Variants in CEP85L observed in about 807,000 individuals in gnomAD.
CEP85L encodes centrosomal protein 85L.
In CEP85L, 60 loss-of-function variants were observed where a neutral mutation model predicts 100.3. The observed-to-expected ratio is 0.60, with a 90% CI of 0.49 to 0.74. The LOEUF is 0.74. Among genes scored for constraint, CEP85L ranks in the 30% least tolerant of loss-of-function variants. The probability of loss-of-function intolerance (pLI) is 0.00; values close to 1 mark genes in which losing one functional copy is unlikely to be tolerated. For synonymous variants in CEP85L, 319 were observed against 322.7 expected (o/e 0.99, Z 0.12); for missense variants, 973 against 936.2 (o/e 1.04, Z -0.51).
At chr6:118,520,796 G>A (rs1257521727) in intron 4 of CEP85L, among the ~76,000 whole-genome samples, 3 of 152,144 alleles carry the variant, frequency 2.0e-5, no homozygotes, top group Non-Finnish European at 4.4e-5. Flanking sequence ...CCTTCACCCA[G>A]TCAGTTAAGG....
rs756580532 is a variant in CEP85L at position 118,565,809 on chromosome 6, A to T, written c.740T>A (p.Leu247His). Residue 247 changes from leucine to histidine, a missense_variant, in exon 3 of 13, where the codon CTT becomes CAT. By Grantham distance (99) the Leu-to-His change is moderately conservative. Coordinates refer to ENST00000368491, the MANE Select transcript of CEP85L (RefSeq NM_001042475.3). Reference protein sequence around the residue: ...KEDFRASSSTLRRQPVDMTYS... With the variant: ...KEDFRASSSTHRRQPVDMTYS... ...TGTCATGTCTACAGGCTGTCTCCTA[A>T]GAGTAGAGGAAGAGGCTCTAAAGTC... is the stretch of plus-strand genomic sequence containing the variant. 5 of 1,614,146 alleles carry T rather than the reference A, an allele frequency of 3.1e-6. No homozygotes were observed. In the South Asian group the frequency reaches 5.5e-5, roughly 18 times the overall value.
intron 1 of CEP85L, among the ~76,000 whole-genome samples, chr6:118,691,496 G>A (rs1289815632): frequency 2.7e-5 from 4 of 146,850 alleles, no homozygotes; most frequent in African/African-American, 1.0e-4. Flanking sequence ...TCGCAGCATT[G>A]CACTCTAGCC....
chr6:118,651,470 G>T lies in CEP85L; in HGVS notation c.-201C>A, dbSNP rs62422236. On this transcript the variant is annotated 5_prime_UTR_variant, in exon 1 of 13. Coordinates refer to ENST00000368491, the MANE Select transcript of CEP85L (RefSeq NM_001042475.3). ...TCGCCGCACTGCCGGCGCCTGCCAT[G>T]GCCAAGCCGGCTGGGCTGAGGCCCG... The T allele has an allele frequency of 0.17, 219,582 of 1,313,816 alleles. 19,424 individuals carry two copies. Among genetic ancestry groups the T allele is most frequent in the Non-Finnish European group, 0.18 (185,732 of 1,034,692 alleles). The allele number at this position is 1,313,816 out of a possible 1,614,324, so 81.4% of individuals were successfully genotyped here.
intron 10 of CEP85L, among the ~76,000 whole-genome samples, chr6:118,476,232 G>A (rs577610661): frequency 2.7e-5 from 4 of 150,540 alleles, no homozygotes; most frequent in Middle Eastern, 3.5e-3. Flanking sequence ...ACAGATCTAC[G>A]TGAACAGTAA....
intron 4 of CEP85L, among the ~76,000 whole-genome samples, chr6:118,514,535 A>AG (rs1776154235): frequency 6.8e-6 from 1 of 146,696 alleles, no homozygotes; most frequent in Non-Finnish European, 1.5e-5. Context: ...AAAAAAAAAA[A>AG]AAAAAAAAGA....
rs1775566543 is a variant in CEP85L, at chr6:118,651,589, T to A, written c.-320A>T. ...CAGGCGAAGTTGCAGCTGCGGGTTC[T>A]CTCCGCCCCCTCCGCCGGCAGAGCC... On this transcript the variant is annotated 5_prime_UTR_variant, in exon 1 of 13. Transcript: ENST00000368491. The A allele has an allele frequency of 9.2e-7, 1 of 1,087,340 alleles. No homozygotes were observed. The highest frequency in any genetic ancestry group is 1.1e-6 in the Non-Finnish European group (1 of 896,146). The allele number at this position is 1,087,340 out of a possible 1,614,324, so 67.4% of individuals were successfully genotyped here.
chr6:118,677,233 A>G (rs567751343), intron 1 of CEP85L, among the ~76,000 whole-genome samples: 1 of 152,336 alleles, frequency 6.6e-6, no homozygotes, highest in African/African-American at 2.4e-5. Context: ...TCCTTAATCA[A>G]AAGATATGAG....
At chr6:118,582,498 A>C (rs1780631261) in intron 2 of CEP85L, among the ~76,000 whole-genome samples, 1 of 152,218 alleles carries the variant, frequency 6.6e-6, no homozygotes, top group Non-Finnish European at 1.5e-5. Context: ...AGAGGAGACA[A>C]GGAAGGTAAG....
At chr6:118,574,652 G>A (rs558271831) in intron 2 of CEP85L, among the ~76,000 whole-genome samples, 3 of 152,230 alleles carry the variant, frequency 2.0e-5, no homozygotes, top group South Asian at 2.1e-4. Flanking sequence ...CTGGACTCTC[G>A]GCAACACAGG....
intron 3 of CEP85L, among the ~76,000 whole-genome samples, chr6:118,536,700 A>G (rs1777615199): frequency 6.6e-6 from 1 of 152,190 alleles, no homozygotes; most frequent in East Asian, 1.9e-4. Context: ...GCCAGATGAC[A>G]TATATACCCT....
intron 2 of CEP85L, among the ~76,000 whole-genome samples, chr6:118,622,972 G>C (rs1156330089): frequency 1.3e-5 from 2 of 152,218 alleles, no homozygotes; most frequent in Admixed American, 6.5e-5. Flanking sequence ...AAGCGAAACA[G>C]AATGGGGACT....
intron 2 of CEP85L, among the ~76,000 whole-genome samples, chr6:118,602,240 CTT>C (rs906517326): frequency 6.6e-6 from 1 of 152,140 alleles, no homozygotes; most frequent in African/African-American, 2.4e-5. Context: ...ATTCATAACT[CTT>C]TAAGTTTCAA....
At chr6:118,651,679 C>CGCGCGGGGCGGGGACT (rs1364625935), upstream of CEP85L, 366 of 922,018 alleles carry the variant, frequency 4.0e-4, 3 homozygotes, top group South Asian at 9.2e-3. Context: ...TGCGCGGCGC[C>CGCGCGGGGCGGGGACT]GCGCGGGGCG....
intron 2 of CEP85L, among the ~76,000 whole-genome samples, chr6:118,613,549 G>C (rs1772798091): frequency 6.6e-6 from 1 of 151,914 alleles, no homozygotes; most frequent in Non-Finnish European, 1.5e-5. Context: ...CTGAGGTCAG[G>C]AGTTCAAGAC....
chr6:118,513,706 A>G (rs1776101758), intron 4 of CEP85L, among the ~76,000 whole-genome samples: 1 of 152,116 alleles, frequency 6.6e-6, no homozygotes, highest in Non-Finnish European at 1.5e-5. Context: ...TTTTTTGGAA[A>G]CTTAAAAGCT....
At chr6:118,645,946 G>A (rs1019422309) in intron 1 of CEP85L, among the ~76,000 whole-genome samples, 6 of 152,154 alleles carry the variant, frequency 3.9e-5, no homozygotes, top group South Asian at 4.1e-4. Flanking sequence ...GGGGCCAGGC[G>A]TGGTGGCTCA....
At chr6:118,597,013 CGA>C (rs747439711) in intron 2 of CEP85L, among the ~76,000 whole-genome samples, 5 of 152,080 alleles carry the variant, frequency 3.3e-5, no homozygotes, top group South Asian at 2.1e-4. Flanking sequence ...CTCATGATAG[CGA>C]GAGAGTTCTC....
chr6:118,702,224 A>G (rs1209798769), intron 1 of CEP85L, among the ~76,000 whole-genome samples: 1 of 152,068 alleles, frequency 6.6e-6, no homozygotes, highest in African/African-American at 2.4e-5. Flanking sequence ...AATTTTAAAA[A>G]TTTTGGCTGG....
chr6:118,635,463 G>C (rs1774435506), intron 1 of CEP85L, among the ~76,000 whole-genome samples: 1 of 151,970 alleles, frequency 6.6e-6, no homozygotes, highest in South Asian at 2.1e-4. Context: ...TTTTACTAAA[G>C]GAAGAAATAC....
Sources: gnomAD v4.1 joint callset for allele counts (sites outside exome capture counted in the v4.1 genomes callset) on GRCh38, gnomAD v4.1.1 for gene constraint, MANE v1.5 for transcripts, NCBI Gene and HGNC (gene_info 2026-07-23, HGNC 2026-07-21) for gene names.